The following NLGN1 variants were observed in gnomAD, a reference collection of about 807,000 sequenced individuals.
NLGN1 encodes the protein neuroligin 1, also known as neuroligin-1.
In NLGN1, 12 loss-of-function variants were observed where a neutral mutation model predicts 65.5. That is an observed-to-expected ratio of 0.18 (90% CI 0.12 to 0.30). The LOEUF (loss-of-function observed/expected upper bound fraction) is 0.30, where lower values mean the gene tolerates loss of function less well. Ranked by LOEUF, NLGN1 falls within the 10% of genes least tolerant of loss-of-function variation. NLGN1 has a pLI of 1.00. For missense variants in NLGN1, 750 were observed against 1,007.1 expected, an observed-to-expected ratio of 0.74 and a Z score of 3.46; for synonymous variants, 350 against 359.5, an observed-to-expected ratio of 0.97 and a Z score of 0.30.
intron 4 of NLGN1, among the ~76,000 whole-genome samples, chr3:173,845,522 C>G (rs1246292612): frequency 6.6e-6 from 1 of 151,678 alleles, no homozygotes; most frequent in African/African-American, 2.4e-5. Context: ...AGATATTTCT[C>G]TAGGACTCAA....
intron 3 of NLGN1, among the ~76,000 whole-genome samples, chr3:173,787,806 T>C (rs1711549559): frequency 6.6e-6 from 1 of 152,238 alleles, no homozygotes; most frequent in African/African-American, 2.4e-5. Flanking sequence ...ATGTTTCCGA[T>C]GTTTTTGAGC....
chr3:173,977,810 C>A (rs1412711434), intron 4 of NLGN1, among the ~76,000 whole-genome samples: 1 of 151,910 alleles, frequency 6.6e-6, no homozygotes, highest in Non-Finnish European at 1.5e-5. Flanking sequence ...AGTATTATGG[C>A]CTAGAGATAT....
At chr3:174,025,450 A>G (rs1285391908) in intron 4 of NLGN1, among the ~76,000 whole-genome samples, 3 of 152,200 alleles carry the variant, frequency 2.0e-5, no homozygotes, top group Non-Finnish European at 4.4e-5. Flanking sequence ...TATATTCAAC[A>G]TCTAGATTTG....
Position 173,489,122 on chromosome 3 carries a change from A to G in NLGN1, c.-321+54044A>G, listed in dbSNP as rs191792251. ...TATTATACTTTAAGTTCCAGGGTAC[A>G]TGTGCACAATGTGCAGGTTTGTTAC... On this transcript the variant is annotated intron_variant, in intron 2 of 6. Transcript: ENST00000457714. Among the ~76,000 whole-genome samples, 128 of 151,134 alleles carry G rather than the reference A, an allele frequency of 8.5e-4. 1 individual carries two copies. Among genetic ancestry groups the G allele is most frequent in the Middle Eastern group, 3.4e-3 (1 of 292 alleles).
intron 4 of NLGN1, among the ~76,000 whole-genome samples, chr3:174,237,173 A>G (rs1018661048): frequency 1.1e-4 from 17 of 152,144 alleles, no homozygotes; most frequent in Admixed American, 2.6e-4. Context: ...AGGAATTTCA[A>G]ATACTTTATC....
intron 3 of NLGN1, among the ~76,000 whole-genome samples, chr3:173,623,427 G>A (rs1025275928): frequency 2.6e-5 from 4 of 152,088 alleles, no homozygotes; most frequent in South Asian, 2.1e-4. Context: ...TGTTTTGGAT[G>A]AGGTTAAAGT....
chr3:174,222,895 A>C (rs1414493168), intron 4 of NLGN1, among the ~76,000 whole-genome samples: 1 of 152,170 alleles, frequency 6.6e-6, no homozygotes, highest in Non-Finnish European at 1.5e-5. Flanking sequence ...TTGTTTGAAA[A>C]TATAACTTTT....
chr3:174,234,554 C>G (rs968141551), intron 4 of NLGN1, among the ~76,000 whole-genome samples: 1 of 152,202 alleles, frequency 6.6e-6, no homozygotes, highest in Non-Finnish European at 1.5e-5. Context: ...TTGCCCAACT[C>G]CTGAGATCTT....
chr3:174,098,390 T>G lies in NLGN1; in HGVS notation c.647-176925T>G, dbSNP rs187196634. Among the ~76,000 whole-genome samples, 425 of 152,304 alleles carry G rather than the reference T, an allele frequency of 2.8e-3. 2 individuals carry two copies. Among genetic ancestry groups the G allele is most frequent in the African/African-American group, 9.8e-3 (406 of 41,576 alleles). On this transcript the variant is annotated intron_variant, in intron 4 of 6. Transcript: ENST00000457714. ...TGATCACACTTTTCTTACTATAATA[T>G]GCATGTCTATGTGCATTTACCTCTA...
At chr3:173,718,656 G>A (rs957844612) in intron 3 of NLGN1, among the ~76,000 whole-genome samples, 2 of 152,116 alleles carry the variant, frequency 1.3e-5, no homozygotes, top group Non-Finnish European at 2.9e-5. Flanking sequence ...ATTCTTAAGT[G>A]TCATATGACA....
chr3:173,449,655 C>T (rs1245694031), intron 2 of NLGN1, among the ~76,000 whole-genome samples: 1 of 152,110 alleles, frequency 6.6e-6, no homozygotes, highest in Non-Finnish European at 1.5e-5. Flanking sequence ...CTAATGTTGA[C>T]AGTGGGGTGT....
intron 4 of NLGN1, among the ~76,000 whole-genome samples, chr3:174,034,179 G>A (rs1730632329): frequency 6.6e-6 from 1 of 152,028 alleles, no homozygotes; most frequent in Non-Finnish European, 1.5e-5. Context: ...CTGAAAAAGA[G>A]AGAAAAACCT....
chr3:173,452,395 C>G (rs1721749850), intron 2 of NLGN1, among the ~76,000 whole-genome samples: 1 of 152,092 alleles, frequency 6.6e-6, no homozygotes, highest in South Asian at 2.1e-4. Flanking sequence ...ATCGTGTTAG[C>G]TAGGATAGTC....
At chr3:173,864,473 T>A (rs1417321318) in intron 4 of NLGN1, among the ~76,000 whole-genome samples, 1 of 152,166 alleles carries the variant, frequency 6.6e-6, no homozygotes, top group Non-Finnish European at 1.5e-5. Flanking sequence ...AAGGGGGAAA[T>A]CATAAGTGGG....
At chr3:173,420,261 G>A (rs1227325950) in intron 1 of NLGN1, among the ~76,000 whole-genome samples, 2 of 151,888 alleles carry the variant, frequency 1.3e-5, no homozygotes, top group African/African-American at 4.8e-5. Context: ...GGTGTGTGAT[G>A]TTCCCCTTCC....
intron 4 of NLGN1, among the ~76,000 whole-genome samples, chr3:173,846,652 G>T (rs572801601): frequency 4.6e-5 from 7 of 152,132 alleles, no homozygotes; most frequent in Non-Finnish European, 1.0e-4. Context: ...ACTGCAGGTC[G>T]TCCTTTTAGG....
At chr3:173,898,284 A>G (rs1338934602) in intron 4 of NLGN1, among the ~76,000 whole-genome samples, 1 of 152,192 alleles carries the variant, frequency 6.6e-6, no homozygotes, top group East Asian at 1.9e-4. Context: ...CATAGGAAAG[A>G]GTTTTGATGT....
chr3:173,949,902 C>T (rs1156952556), intron 4 of NLGN1, among the ~76,000 whole-genome samples: 1 of 152,080 alleles, frequency 6.6e-6, no homozygotes, highest in Non-Finnish European at 1.5e-5. Context: ...TCATCTGCTT[C>T]TGGAGAGATT....
Position 173,658,330 on chromosome 3 carries a change from C to A in NLGN1, c.493+53239C>A, listed in dbSNP as rs181031555. Among the ~76,000 whole-genome samples the A allele has an allele frequency of 3.3e-5, 5 of 151,918 alleles. No homozygotes were observed. The East Asian group carries it at 9.7e-4, about 29-fold the overall frequency. On this transcript the variant is annotated intron_variant, in intron 3 of 6. Coordinates refer to ENST00000457714, the Ensembl canonical transcript of NLGN1. ...TGTTGAGTCTCTGTTGGGTGTAATT[C>A]CATTAATTGCTTTACAGGAGAGAGA...
Sources: allele counts gnomAD v4.1 joint callset (sites outside exome capture counted in the v4.1 genomes callset), GRCh38; gene constraint gnomAD v4.1.1; transcripts MANE v1.5; gene names NCBI Gene and HGNC (gene_info 2026-07-23, HGNC 2026-07-21).